Variants in MESD observed in about 807,000 individuals in gnomAD.
MESD encodes the protein mesoderm development LRP chaperone.
Under a neutral mutation model 12.9 loss-of-function variants are expected in MESD, and 7 were observed. The ratio of observed to expected loss-of-function variants is 0.54; its 90% CI spans 0.31 to 1.02. The LOEUF (loss-of-function observed/expected upper bound fraction) is 1.02. Ranked by LOEUF, MESD falls within the 50% of genes least tolerant of loss-of-function variation. MESD has a pLI of 0.05. For synonymous variants in MESD, 126 were observed against 115.6 expected (o/e 1.09, Z -0.58); for missense variants, 342 against 296.7 (o/e 1.15, Z -1.12).
At chr15:80,989,132 G>A (rs780587000) in intron 1 of MESD, among the ~76,000 whole-genome samples, 1 of 152,152 alleles carries the variant, frequency 6.6e-6, no homozygotes, top group Non-Finnish European at 1.5e-5. Flanking sequence ...TAACCATTAA[G>A]GAAGACCATC....
chr15:80,968,158 A>G (rs1466109587), intron 3 of MESD, among the ~76,000 whole-genome samples: 1 of 152,234 alleles, frequency 6.6e-6, no homozygotes, highest in Non-Finnish European at 1.5e-5. Context: ...CTCACCTGAG[A>G]GCAGGTCCTC....
At chr15:80,969,173 G>A (rs533643849) in intron 3 of MESD, among the ~76,000 whole-genome samples, 7 of 152,254 alleles carry the variant, frequency 4.6e-5, no homozygotes, top group African/African-American at 1.7e-4. Context: ...GTGAGCAACA[G>A]AGTGAGACCC....
chr15:80,967,445 G>C (rs1744992458), intron 3 of MESD, among the ~76,000 whole-genome samples: 1 of 152,178 alleles, frequency 6.6e-6, no homozygotes, highest in African/African-American at 2.4e-5. Context: ...CTATTGTCTT[G>C]TTTCTTCCAG....
At chr15:80,946,985 C>A, downstream of MESD, 1 of 1,613,488 alleles carries the variant, frequency 6.2e-7, no homozygotes, top group Non-Finnish European at 8.5e-7. Flanking sequence ...CTTATGGCAT[C>A]AAAGGGAAGA....
downstream of MESD, among the ~76,000 whole-genome samples, chr15:80,973,121 T>A (rs764988799): frequency 6.6e-6 from 1 of 152,172 alleles, no homozygotes; most frequent in Admixed American, 6.5e-5. Context: ...ATGACAAATA[T>A]GTGAATATAA....
chr15:80,953,877 G>A (rs1901907858), intron 3 of MESD, among the ~76,000 whole-genome samples: 1 of 152,134 alleles, frequency 6.6e-6, no homozygotes, highest in Non-Finnish European at 1.5e-5. Flanking sequence ...AGGCGTTTGG[G>A]AGAATTTTGT....
chr15:80,953,991 T>A (rs1024058265), intron 3 of MESD, among the ~76,000 whole-genome samples: 1 of 152,058 alleles, frequency 6.6e-6, no homozygotes, highest in Admixed American at 6.6e-5. Flanking sequence ...TCCTTCCTCA[T>A]CCCCAATCCC....
chr15:80,955,571 A>AG (rs1901959418), intron 3 of MESD, among the ~76,000 whole-genome samples: 1 of 150,878 alleles, frequency 6.6e-6, no homozygotes, highest in African/African-American at 2.4e-5. Flanking sequence ...GAAGGGACCC[A>AG]GGGTAGTTGT....
exon 4 of MESD, chr15:80,951,988 A>G (rs991844916): frequency 3.0e-6 from 1 of 333,560 alleles, no homozygotes; most frequent in African/African-American, 2.2e-5. Flanking sequence ...GGGTGTCCAT[A>G]AGAGCAGGTG....
intron 4 of MESD, chr15:80,949,149 G>A: frequency 1.7e-6 from 1 of 603,254 alleles, no homozygotes; most frequent in Non-Finnish European, 2.9e-6. Flanking sequence ...GGCCAATGCT[G>A]GAAACATTCA....
intron 1 of MESD, among the ~76,000 whole-genome samples, chr15:80,985,901 C>T (rs905438026): frequency 2.0e-5 from 3 of 152,026 alleles, no homozygotes; most frequent in Admixed American, 6.6e-5. Flanking sequence ...AGGATTCACC[C>T]GCCTCAGTCT....
downstream of MESD, among the ~76,000 whole-genome samples, chr15:80,973,069 G>A (rs1166321164): frequency 5.9e-5 from 9 of 151,982 alleles, no homozygotes; most frequent in South Asian, 1.0e-3. Context: ...ACTATATAAC[G>A]CTGAGTGGAA....
At chr15:80,986,685 G>A (rs1217628551) in intron 1 of MESD, among the ~76,000 whole-genome samples, 1 of 152,164 alleles carries the variant, frequency 6.6e-6, no homozygotes, top group Non-Finnish European at 1.5e-5. Context: ...AGAGCGGGGG[G>A]CCAGGGACAA....
At chr15:80,980,177 C>G (rs1902538078) in intron 2 of MESD, among the ~76,000 whole-genome samples, 1 of 152,200 alleles carries the variant, frequency 6.6e-6, no homozygotes, top group Non-Finnish European at 1.5e-5. Flanking sequence ...AGTGGGCCTT[C>G]TGGAGCAGAC....
At chr15:80,974,282 G>A (rs1902357372), downstream of MESD, among the ~76,000 whole-genome samples, 1 of 152,170 alleles carries the variant, frequency 6.6e-6, no homozygotes, top group Non-Finnish European at 1.5e-5. Context: ...GAGCCAGCGA[G>A]AATTCACCTG....
At chr15:80,956,814 TTC>T (rs896964996) in intron 3 of MESD, among the ~76,000 whole-genome samples, 2 of 151,778 alleles carry the variant, frequency 1.3e-5, no homozygotes, top group Admixed American at 6.5e-5. Flanking sequence ...GCTCTTCATC[TTC>T]TCTCTTTTTT....
rs910039252 is a variant in MESD, at chr15:80,977,299, A to G, written c.*1920T>C. 8 of 152,048 alleles carry G rather than the reference A, an allele frequency of 5.3e-5. No individual in the cohort carries two copies. Among genetic ancestry groups the G allele is most frequent in the African/African-American group, 1.9e-4 (8 of 41,344 alleles). 9.4% of individuals were successfully genotyped at this position (152,048 alleles called of 1,614,324 possible). On this transcript the variant is annotated 3_prime_UTR_variant, in exon 3 of 3. Coordinates refer to ENST00000261758, the MANE Select transcript of MESD (RefSeq NM_015154.3). ...CCCTTTCATACTTCTAACAGCTGCC[A>G]TTTTACTTTGTACATTACTGACATT...
chr15:80,968,417 T>C (rs1433639227), intron 3 of MESD, among the ~76,000 whole-genome samples: 1 of 152,212 alleles, frequency 6.6e-6, no homozygotes, highest in Admixed American at 6.5e-5. Context: ...TCCTGCCTTC[T>C]CCTAGCTGTG....
At chr15:80,981,505 C>A (rs1902577864) in intron 2 of MESD, among the ~76,000 whole-genome samples, 1 of 150,262 alleles carries the variant, frequency 6.7e-6, no homozygotes, top group South Asian at 2.1e-4. Flanking sequence ...AAAGGAAAGG[C>A]AGAGGCCCTT....
Sources: gnomAD v4.1 joint callset for allele counts (sites outside exome capture counted in the v4.1 genomes callset) on GRCh38, gnomAD v4.1.1 for gene constraint, MANE v1.5 for transcripts, NCBI Gene and HGNC (gene_info 2026-07-23, HGNC 2026-07-21) for gene names.